METTL16: variants seen among roughly 807,000 people sequenced by gnomAD.
The protein encoded by METTL16 is methyltransferase 16, RNA N6-adenosine.
In METTL16, 19 loss-of-function variants were observed where a neutral mutation model predicts 57.9. The ratio of observed to expected loss-of-function variants is 0.33; its 90% confidence interval spans 0.23 to 0.48. METTL16 has a LOEUF of 0.48. Ranked by LOEUF, METTL16 falls within the 20% of genes least tolerant of loss-of-function variation. The pLI is 0.99. For missense variants in METTL16, 434 were observed against 691.5 expected, an observed-to-expected ratio of 0.63 and a Z score of 4.18; for synonymous variants, 246 against 255.6, an observed-to-expected ratio of 0.96 and a Z score of 0.36.
chr17:2,488,948 C>T (rs111416795), intron 2 of METTL16, among the ~76,000 whole-genome samples: 22 of 152,242 alleles, frequency 1.4e-4, no homozygotes, highest in Non-Finnish European at 2.8e-4. Flanking sequence ...TTTTTAAACA[C>T]TCTCATGGGT....
chr17:2,419,816 G>C lies in METTL16; in HGVS notation c.*154C>G. ...GTAACTCAAAAAGCGGGAAGGAGGC[G>C]GGGGGAGGTGGGGGACAGATTCATA... On this transcript the variant is annotated 3_prime_UTR_variant, in exon 10 of 10. Coordinates refer to ENST00000263092, the MANE Select transcript of METTL16 (RefSeq NM_024086.4). 1 of 876,428 alleles carries C rather than the reference G, an allele frequency of 1.1e-6. No homozygotes were observed. Among genetic ancestry groups the C allele is most frequent in the Admixed American group, 2.1e-5 (1 of 48,166 alleles). 54.3% of individuals were successfully genotyped at this position (876,428 alleles called of 1,614,324 possible).
rs777261459 is a variant in METTL16, at chr17:2,487,003, C to CGA, written c.129-9119_129-9118insTC. ...TGGGCAACAGAGTGAGATCCTGTCT[C>CGA]AAAAAAAAAAAAAAAAAAAAAAAGG... On this transcript the variant is annotated intron_variant, in intron 2 of 9. Coordinates refer to ENST00000263092, the MANE Select transcript of METTL16 (RefSeq NM_024086.4). Among the ~76,000 whole-genome samples, 253 of 57,416 alleles carry CGA rather than the reference C, an allele frequency of 4.4e-3. 2 individuals are homozygous for CGA. The highest frequency in any genetic ancestry group is 6.6e-3 in the Non-Finnish European group (225 of 34,150). 37.7% of individuals were successfully genotyped at this position (57,416 alleles called of 152,430 possible). A position where few individuals can be genotyped will look rare whatever the true frequency, so the allele number is the denominator to read the frequency against.
At chr17:2,474,367 C>T (rs1229048125) in intron 3 of METTL16, among the ~76,000 whole-genome samples, 1 of 130,664 alleles carries the variant, frequency 7.7e-6, no homozygotes, top group Non-Finnish European at 1.6e-5. Context: ...TGTAAGTTGT[C>T]AGCTGAAAGA....
chr17:2,511,230 T>TC (rs1491101811), intron 1 of METTL16, among the ~76,000 whole-genome samples: 4 of 151,442 alleles, frequency 2.6e-5, no homozygotes, highest in African/African-American at 9.8e-5. Flanking sequence ...TTTTTTTTTT[T>TC]TCTTTCTCAT....
chr17:2,437,671 C>T (rs973555534), intron 8 of METTL16, among the ~76,000 whole-genome samples: 2 of 152,312 alleles, frequency 1.3e-5, no homozygotes, highest in Admixed American at 6.5e-5. Flanking sequence ...CGTGCCTCAG[C>T]CTCCCGAGTA....
At chr17:2,469,177 C>T (rs942083823) in intron 4 of METTL16, among the ~76,000 whole-genome samples, 6 of 152,040 alleles carry the variant, frequency 3.9e-5, no homozygotes, top group Non-Finnish European at 8.8e-5. Flanking sequence ...ACAGAGGTTG[C>T]AGTGAGCAGC....
At position 2,504,852 on chromosome 17, in the gene METTL16, A is replaced by G. The variant is rs557861811; in HGVS notation, c.1-2521T>C. Reference sequence around the variant, plus strand: ...CTCCCAAAGTGCTACGACTACAGACATGAACCATCACACCCAGCTTGGGGG... The same window carrying G: ...CTCCCAAAGTGCTACGACTACAGACGTGAACCATCACACCCAGCTTGGGGG... On this transcript the variant is annotated intron_variant, in intron 1 of 9. Transcript: ENST00000263092. 2.6e-5 allele frequency among the ~76,000 whole-genome samples: 4 copies of G among 152,246 alleles called. No homozygotes were observed. In the East Asian group the frequency reaches 7.7e-4, roughly 29 times the overall value.
At chr17:2,442,093 G>T (rs1330990244) in intron 6 of METTL16, among the ~76,000 whole-genome samples, 3 of 152,178 alleles carry the variant, frequency 2.0e-5, no homozygotes, top group Non-Finnish European at 2.9e-5. Flanking sequence ...GGACTGAACT[G>T]ATTAAAAGGT....
chr17:2,465,199 C>A (rs551003575), intron 5 of METTL16, among the ~76,000 whole-genome samples: 16 of 152,194 alleles, frequency 1.1e-4, no homozygotes, highest in African/African-American at 3.4e-4. Context: ...AAATCCTAAT[C>A]AAAACCACAG....
intron 6 of METTL16, among the ~76,000 whole-genome samples, chr17:2,456,950 T>G (rs1487503375): frequency 6.6e-6 from 1 of 151,810 alleles, no homozygotes; most frequent in Non-Finnish European, 1.5e-5. Flanking sequence ...CCCGGCCTTT[T>G]TTTTTTTTTT....
intron 8 of METTL16, chr17:2,436,989 C>CT (rs1466215757): frequency 6.6e-6 from 1 of 151,712 alleles, no homozygotes; most frequent in Non-Finnish European, 1.5e-5. Context: ...TCAAGTGATC[C>CT]TCCCACCTCA....
At chr17:2,457,299 C>T (rs1169387948) in intron 6 of METTL16, among the ~76,000 whole-genome samples, 1 of 140,556 alleles carries the variant, frequency 7.1e-6, no homozygotes, top group Non-Finnish European at 1.5e-5. Context: ...GATCGCGCCA[C>T]TGCACTCCAA....
chr17:2,507,674 T>G (rs2067555840), intron 1 of METTL16, among the ~76,000 whole-genome samples: 1 of 152,006 alleles, frequency 6.6e-6, no homozygotes, highest in South Asian at 2.1e-4. Flanking sequence ...GGCGGTTTTG[T>G]GGAATAGAAA....
intron 6 of METTL16, among the ~76,000 whole-genome samples, chr17:2,457,403 G>C (rs2067119385): frequency 7.5e-6 from 1 of 133,022 alleles, no homozygotes; most frequent in Non-Finnish European, 1.6e-5. Context: ...CAACCTCCTA[G>C]AATAGTCAAG....
intron 6 of METTL16, among the ~76,000 whole-genome samples, chr17:2,444,938 A>ACT (rs2066983689): frequency 6.6e-6 from 1 of 150,540 alleles, no homozygotes; most frequent in South Asian, 2.1e-4. Flanking sequence ...CTGGTCTTGA[A>ACT]CTCCTGACCT....
chr17:2,479,698 G>A (rs1049368552), intron 2 of METTL16, among the ~76,000 whole-genome samples: 5 of 152,064 alleles, frequency 3.3e-5, no homozygotes, highest in Non-Finnish European at 5.9e-5. Context: ...CAAGACAGAA[G>A]GAAGAGTGCT....
chr17:2,480,907 A>G (rs557171209), intron 2 of METTL16, among the ~76,000 whole-genome samples: 49 of 152,334 alleles, frequency 3.2e-4, no homozygotes, highest in African/African-American at 1.1e-3. Flanking sequence ...AGTTTGTTGA[A>G]AAACAGGATA....
rs543773961 is a variant in METTL16 at position 2,491,807 on chromosome 17, A to G, written c.128+10397T>C. Among the ~76,000 whole-genome samples the G allele has an allele frequency of 7.2e-3, 967 of 134,820 alleles. 14 individuals are homozygous for G. The highest frequency in any genetic ancestry group is 0.019 in the South Asian group (79 of 4,156). 88.4% of individuals were successfully genotyped at this position (134,820 alleles called of 152,430 possible). On this transcript the variant is annotated intron_variant, in intron 2 of 9. Coordinates refer to ENST00000263092, the MANE Select transcript of METTL16 (RefSeq NM_024086.4). ...GGAGAATGGCATGAACCTGGGAGGCAGAGCTTGCAGTGAGCCGAGATCGCG... is the reference window on the plus strand; with the variant it reads ...GGAGAATGGCATGAACCTGGGAGGCGGAGCTTGCAGTGAGCCGAGATCGCG...
At chr17:2,462,915 C>G (rs1039035659) in intron 6 of METTL16, among the ~76,000 whole-genome samples, 2 of 152,144 alleles carry the variant, frequency 1.3e-5, no homozygotes, top group African/African-American at 4.8e-5. Context: ...AAGCTAAATC[C>G]TTGGATTGAA....
Sources: allele counts gnomAD v4.1 joint callset (sites outside exome capture counted in the v4.1 genomes callset), GRCh38; gene constraint gnomAD v4.1.1; transcripts MANE v1.5; gene names NCBI Gene and HGNC (gene_info 2026-07-23, HGNC 2026-07-21).